The following CAPN1 variants were observed in gnomAD, a reference collection of about 807,000 sequenced individuals.
CAPN1 encodes the protein calpain 1, also known as calpain-1 catalytic subunit.
Under a neutral mutation model 105.2 loss-of-function variants are expected in CAPN1, and 77 were observed. The ratio of observed to expected loss-of-function variants is 0.73; its 90% CI spans 0.61 to 0.88. The LOEUF (loss-of-function observed/expected upper bound fraction) is 0.88, where lower values mean the gene tolerates loss of function less well. Ranked by LOEUF, CAPN1 falls within the 40% of genes least tolerant of loss-of-function variation. The probability of loss-of-function intolerance (pLI) is 0.00; values close to 1 mark genes in which losing one functional copy is unlikely to be tolerated. For synonymous variants in CAPN1, 355 were observed against 388.8 expected (o/e 0.91, Z 1.02); for missense variants, 833 against 976.6 (o/e 0.85, Z 1.96).
intron 10 of CAPN1, among the ~76,000 whole-genome samples, chr11:65,199,302 C>T (rs1189688232): frequency 6.6e-6 from 1 of 152,156 alleles, no homozygotes; most frequent in Non-Finnish European, 1.5e-5. Context: ...TAGTCCTGTT[C>T]TGCTTCCATC....
intron 11 of CAPN1, among the ~76,000 whole-genome samples, chr11:65,205,507 A>G (rs1014901058): frequency 1.3e-5 from 2 of 151,942 alleles, no homozygotes; most frequent in African/African-American, 2.4e-5. Context: ...AAGCATTCCC[A>G]GGACCAAGAG....
chr11:65,198,055 T>C (rs1173254115), intron 10 of CAPN1, among the ~76,000 whole-genome samples: 1 of 152,142 alleles, frequency 6.6e-6, no homozygotes, highest in African/African-American at 2.4e-5. Flanking sequence ...GTTGAGTTCC[T>C]GCTTTTCTCT....
Position 65,183,124 on chromosome 11 carries a change from G to A in CAPN1, c.268-4G>A, listed in dbSNP as rs768883809. 2.7e-5 allele frequency: 43 copies of A among 1,613,730 alleles called. 1 individual carries two copies. The East Asian group carries it at 8.2e-4, about 31-fold the overall frequency. On this transcript the variant is annotated splice_region_variant and splice_polypyrimidine_tract_variant and intron_variant, in intron 2 of 21. Transcript: ENST00000279247. Reference sequence around the variant, plus strand: ...CGAGGAACAGGACTCTGGGTCTCTCGTAGGAACTGCTGTCAAACCCCCAGT... The same window carrying A: ...CGAGGAACAGGACTCTGGGTCTCTCATAGGAACTGCTGTCAAACCCCCAGT...
chr11:65,193,962 A>ATTTTTTTTTTTTTTTT (rs60784154), intron 10 of CAPN1, among the ~76,000 whole-genome samples: 1 of 76,232 alleles, frequency 1.3e-5, no homozygotes, highest in African/African-American at 5.2e-5. Flanking sequence ...CTTTGGATTG[A>ATTTTTTTTTTTTTTTT]TTTTTTTTTT....
intron 10 of CAPN1, among the ~76,000 whole-genome samples, chr11:65,189,079 A>C (rs1029296619): frequency 1.3e-5 from 2 of 151,704 alleles, no homozygotes; most frequent in Non-Finnish European, 2.9e-5. Context: ...GCTGGAGTGC[A>C]GTAGCGTGGC....
Position 65,209,019 on chromosome 11 carries a change from C to A in CAPN1, c.1730-304C>A. 1 of 452,468 alleles carries A rather than the reference C, an allele frequency of 2.2e-6. No homozygotes were observed. The highest frequency in any genetic ancestry group is 2.4e-5 in the South Asian group (1 of 42,340). The allele number at this position is 452,468 out of a possible 1,614,324, so 28.0% of individuals were successfully genotyped here. On this transcript the variant is annotated intron_variant, in intron 16 of 21. Coordinates refer to ENST00000279247, the MANE Select transcript of CAPN1 (RefSeq NM_005186.4). The surrounding 1 kb of genome is among the most constrained non-coding windows in gnomAD (Gnocchi z 4.1). ...TTCTCTGCTAGTGAAGCACTGCTTA[C>A]CCTCCTAGCCTACAGCAAGCCCTGC...
At position 65,182,977 on chromosome 11, in the gene CAPN1, G is replaced by A. The variant is rs548841466; in HGVS notation, c.267+9G>A. 3 of 1,613,156 alleles carry A rather than the reference G, an allele frequency of 1.9e-6. No homozygotes were observed. Among genetic ancestry groups the A allele is most frequent in the South Asian group, 2.2e-5 (2 of 91,054 alleles). On this transcript the variant is annotated intron_variant, in intron 2 of 21. Transcript: ENST00000279247. ...AGTGGAAGCGTCCCACGGTGAGAGG[G>A]GCCATCCTGGGTGGGACTCGGCTAA...
In CAPN1 at chr11:65,187,281, G is replaced by T; in HGVS notation, c.826G>T (p.Val276Leu). The T allele has an allele frequency of 6.2e-7, 1 of 1,612,920 alleles. No individual in the cohort carries two copies. Among genetic ancestry groups the T allele is most frequent in the African/African-American group, 1.3e-5 (1 of 75,062 alleles). ...GTTGGTGAAGGGCCATGCCTACTCT[G>T]TGACCGGGGCCAAGCAGGTACTGCC... ...KKLVKGHAYS[V>L]TGAKQVNYRG... The change falls in exon 7 of 22, where the codon GTG (valine) becomes TTG (leucine). Residue 276 changes from valine (V) to leucine (L), a missense_variant. Transcript: ENST00000279247.
intron 10 of CAPN1, among the ~76,000 whole-genome samples, chr11:65,195,227 A>T (rs998317288): frequency 6.7e-6 from 1 of 149,674 alleles, no homozygotes; most frequent in Non-Finnish European, 1.5e-5. Context: ...CTCCTGCCTC[A>T]GCCTCCCTTA....
chr11:65,187,320 T>C (rs745907140), intron 7 of CAPN1, 22 bp downstream of exon 7: 9 of 1,573,968 alleles, frequency 5.7e-6, no homozygotes, highest in Non-Finnish European at 7.0e-6. Context: ...GGTGGGGCCT[T>C]CCCTGAAGGG....
At position 65,209,752 on chromosome 11, in the gene CAPN1, G is replaced by A. The variant is rs930212988; in HGVS notation, c.1795-97G>A. Reference sequence around the variant, plus strand: ...GCTTCTCCTCACCCAGCCCCAAGTCGACTTGCCGGCTCGGCGGCCATCTCC... The same window carrying A: ...GCTTCTCCTCACCCAGCCCCAAGTCAACTTGCCGGCTCGGCGGCCATCTCC... On this transcript the variant is annotated intron_variant, in intron 17 of 21. Transcript: ENST00000279247. The surrounding 1 kb of genome is among the most constrained non-coding windows in gnomAD (Gnocchi z 4.1). 7.3e-6 allele frequency: 9 copies of A among 1,238,178 alleles called. No individual in the cohort carries two copies. Among genetic ancestry groups the A allele is most frequent in the Admixed American group, 4.0e-5 (2 of 49,812 alleles). 76.7% of individuals were successfully genotyped at this position (1,238,178 alleles called of 1,614,324 possible).
At chr11:65,190,604 G>A (rs1352548105) in intron 10 of CAPN1, among the ~76,000 whole-genome samples, 5 of 152,222 alleles carry the variant, frequency 3.3e-5, no homozygotes, top group African/African-American at 1.2e-4. Context: ...TCCCTCTGCC[G>A]ATAACACATT....
intron 5 of CAPN1, 51 bp downstream of exon 5, chr11:65,186,101 G>C (rs1158980441): frequency 4.4e-6 from 7 of 1,606,326 alleles, no homozygotes; most frequent in Non-Finnish European, 6.0e-6. Context: ...CCCTAGGGGT[G>C]GGGGCTCATG....
chr11:65,199,086 C>T (rs940364551), intron 10 of CAPN1, among the ~76,000 whole-genome samples: 1 of 152,236 alleles, frequency 6.6e-6, no homozygotes, highest in Non-Finnish European at 1.5e-5. Context: ...CCACCCTCCT[C>T]AGCCTCCCAA....
chr11:65,197,888 G>GAAAAAAA (rs71049687), intron 10 of CAPN1, among the ~76,000 whole-genome samples: 4 of 83,436 alleles, frequency 4.8e-5, no homozygotes, highest in Non-Finnish European at 8.6e-5. Flanking sequence ...AACTCTATCT[G>GAAAAAAA]AAAAAAAAAA....
intron 5 of CAPN1, 37 bp downstream of exon 5, chr11:65,186,087 C>A: frequency 6.2e-7 from 1 of 1,608,398 alleles, no homozygotes; most frequent in Non-Finnish European, 8.5e-7. Context: ...CAGCTTCCAG[C>A]TCCCCCTAGG....
chr11:65,190,476 T>C (rs548918838), intron 10 of CAPN1, among the ~76,000 whole-genome samples: 10 of 152,326 alleles, frequency 6.6e-5, no homozygotes, highest in African/African-American at 2.4e-4. Flanking sequence ...CACCGTTCCC[T>C]GTACCATTTA....
At chr11:65,196,913 A>C (rs996799544) in intron 10 of CAPN1, among the ~76,000 whole-genome samples, 20 of 152,210 alleles carry the variant, frequency 1.3e-4, no homozygotes, top group African/African-American at 4.8e-4. Flanking sequence ...ACAAATTGTG[A>C]CTGTAGGTGA....
At chr11:65,202,297 C>T (rs965619232) in intron 10 of CAPN1, among the ~76,000 whole-genome samples, 1 of 152,172 alleles carries the variant, frequency 6.6e-6, no homozygotes. Flanking sequence ...AGGGTTCCTA[C>T]TTTCTATTTT....
Sources: allele counts gnomAD v4.1 joint callset (sites outside exome capture counted in the v4.1 genomes callset), GRCh38; gene constraint gnomAD v4.1.1; non-coding constraint Gnocchi (gnomAD v3.1); transcripts MANE v1.5; gene names NCBI Gene and HGNC (gene_info 2026-07-23, HGNC 2026-07-21).